GAREM1: variants seen among roughly 807,000 people sequenced by gnomAD.
GAREM1 encodes GRB2-associated and regulator of MAPK protein 1.
GAREM1 carries 26 observed loss-of-function variants against 71.3 expected under a neutral mutation model. The observed-to-expected ratio is 0.36, with a 90% confidence interval of 0.27 to 0.51. The LOEUF is 0.51. Among genes scored for constraint, GAREM1 ranks in the 20% least tolerant of loss-of-function variants. GAREM1 has a pLI of 0.95. For missense variants in GAREM1, 1,026 were observed against 1,103.1 expected (o/e 0.93, Z 0.99); for synonymous variants, 440 against 433.2 (o/e 1.02, Z -0.20).
rs1447577556 is a variant in GAREM1, at chr18:32,470,692, T to A, written c.-264A>T. On this transcript the variant is annotated 5_prime_UTR_variant, in exon 1 of 6. Coordinates refer to ENST00000269209, the MANE Select transcript of GAREM1 (RefSeq NM_001242409.2). This position sits in a 1 kb window ranked among gnomAD's most constrained non-coding sequence, Gnocchi z 4.4. ...AGAAGACTCAGAGCAGCCGCGCGGC[T>A]GCGGGCGGCGGCGGCGGCCCGGGTG... is the stretch of plus-strand genomic sequence containing the variant. Among the ~76,000 whole-genome samples, 1 of 149,062 alleles carries A rather than the reference T, an allele frequency of 6.7e-6. No homozygotes were observed. Among genetic ancestry groups the A allele is most frequent in the Non-Finnish European group, 1.5e-5 (1 of 67,062 alleles).
At chr18:32,424,528 T>C (rs1325716309) in intron 1 of GAREM1, among the ~76,000 whole-genome samples, 1 of 152,168 alleles carries the variant, frequency 6.6e-6, no homozygotes, top group African/African-American at 2.4e-5. Context: ...TTGGTTAACG[T>C]AAATCAATTT....
At chr18:32,302,970 C>G (rs893274703) in intron 3 of GAREM1, among the ~76,000 whole-genome samples, 1 of 152,206 alleles carries the variant, frequency 6.6e-6, no homozygotes, top group African/African-American at 2.4e-5. Flanking sequence ...AGGCTGATGA[C>G]AAGGCTGTCA....
chr18:32,466,017 G>A (rs35997165), intron 1 of GAREM1, among the ~76,000 whole-genome samples: 25,665 of 152,152 alleles, frequency 0.17, 2,321 homozygotes, highest in Admixed American at 0.24. Flanking sequence ...ATATTGATTC[G>A]TGTTGCAGGG....
chr18:32,428,431 C>A (rs2048594575), intron 1 of GAREM1, among the ~76,000 whole-genome samples: 1 of 151,992 alleles, frequency 6.6e-6, no homozygotes, highest in Non-Finnish European at 1.5e-5. Context: ...AATGGTTTGG[C>A]ATCACCCCCT....
intron 1 of GAREM1, among the ~76,000 whole-genome samples, chr18:32,411,807 T>G (rs879172574): frequency 2.0e-5 from 3 of 151,350 alleles, no homozygotes; most frequent in Admixed American, 6.6e-5. Flanking sequence ...CTGAAGGAAT[T>G]CTAACTTCAC....
chr18:32,422,681 CA>C (rs2048531085), intron 1 of GAREM1, among the ~76,000 whole-genome samples: 1 of 152,174 alleles, frequency 6.6e-6, no homozygotes, highest in African/African-American at 2.4e-5. Context: ...TTTATTACTA[CA>C]CTATCCAAAA....
chr18:32,351,435 A>C (rs2047749512), intron 2 of GAREM1, among the ~76,000 whole-genome samples: 1 of 152,162 alleles, frequency 6.6e-6, no homozygotes, highest in Non-Finnish European at 1.5e-5. Context: ...GATATAAACA[A>C]TATATTAATA....
rs758624057 is a variant in GAREM1 at position 32,470,295 on chromosome 18, A to G, written c.121+13T>C. On this transcript the variant is annotated intron_variant, in intron 1 of 5. Transcript: ENST00000269209. This position sits in a 1 kb window ranked among gnomAD's most constrained non-coding sequence, Gnocchi z 4.4. ...TCCTCGCCCGTCTGCCCCGCGCCCC[A>G]GCTGGGACTCACCGTTGTCCAGGCG... 1.3e-6 allele frequency: 2 copies of G among 1,520,256 alleles called. No individual in the cohort carries two copies. Among genetic ancestry groups the G allele is most frequent in the South Asian group, 1.2e-5 (1 of 81,024 alleles). 94.2% of individuals were successfully genotyped at this position (1,520,256 alleles called of 1,614,324 possible). A position where few individuals can be genotyped will look rare whatever the true frequency, so the allele number is the denominator to read the frequency against.
At chr18:32,291,851 A>T (rs1365700550) in intron 3 of GAREM1, among the ~76,000 whole-genome samples, 1 of 152,170 alleles carries the variant, frequency 6.6e-6, no homozygotes, top group Non-Finnish European at 1.5e-5. Context: ...ATAGTATTCC[A>T]TGGTATATAT....
rs2041334397 is a variant in GAREM1, at chr18:32,263,533, ATTTC to A, written c.*4334_*4337del. The A allele has an allele frequency of 6.6e-6, 1 of 152,202 alleles. No individual in the cohort carries two copies. Among genetic ancestry groups the A allele is most frequent in the African/African-American group, 2.4e-5 (1 of 41,452 alleles). 9.4% of individuals were successfully genotyped at this position (152,202 alleles called of 1,614,324 possible). Reference sequence around the variant, plus strand: ...AACTGCAAGAAAAGCAACTTTGAAAATTTCTTTATTACAGACATTTCAGAACCAT... The same window carrying A: ...AACTGCAAGAAAAGCAACTTTGAAAATTTATTACAGACATTTCAGAACCAT... On this transcript the variant is annotated 3_prime_UTR_variant, in exon 6 of 6. Transcript: ENST00000269209.
Position 32,268,012 on chromosome 18 carries a change from T to C in GAREM1, c.2490A>G (p.Ile830Met). The change falls in exon 6 of 6, where the codon ATA becomes ATG. Residue 830 changes from isoleucine to methionine, a missense_variant. Around this residue, in one of 3 missense-constraint regions of GAREM1, gnomAD observed 636 missense variants for 631.2 expected, o/e 1.01. Transcript: ENST00000269209. ...LRFIGLSEDV[I>M]SFFVTEKIDG... ...CAATCTTTTCAGTAACAAAGAATGATATGACATCTTCGGACAAACCAATGA... is the reference window on the plus strand; with the variant it reads ...CAATCTTTTCAGTAACAAAGAATGACATGACATCTTCGGACAAACCAATGA... 1 of 1,614,164 alleles carries C rather than the reference T, an allele frequency of 6.2e-7. No homozygotes were observed. Among genetic ancestry groups the C allele is most frequent in the Non-Finnish European group, 8.5e-7 (1 of 1,180,012 alleles).
Position 32,268,563 on chromosome 18 carries a change from T to C in GAREM1, c.1939A>G (p.Ser647Gly). ...TGTCTAGGGTAACTATAACTCCTGC[T>C]TGGATCCAGCAGGAAGTCACTCCTG... ...QTRSDFLLDP[S>G]RSYSYPRQKT... Residue 647 changes from serine (S) to glycine (G), a missense_variant, in exon 6 of 6, where the codon AGC becomes GGC. Ser to Gly is a moderately conservative substitution (Grantham distance 56). This residue lies in a region of GAREM1 where 636 missense variants were observed against 631.2 expected (regional missense o/e 1.01). Transcript: ENST00000269209. The C allele has an allele frequency of 1.2e-6, 2 of 1,614,168 alleles. No individual in the cohort carries two copies. Among genetic ancestry groups the C allele is most frequent in the Non-Finnish European group, 1.7e-6 (2 of 1,180,032 alleles).
At chr18:32,459,539 A>G (rs909416040) in intron 1 of GAREM1, among the ~76,000 whole-genome samples, 13 of 152,202 alleles carry the variant, frequency 8.5e-5, no homozygotes, top group African/African-American at 2.9e-4. Flanking sequence ...TTTTTAAATA[A>G]GTAATCTGAA....
chr18:32,278,910 A>C (rs1453810941), intron 4 of GAREM1, among the ~76,000 whole-genome samples: 1 of 152,172 alleles, frequency 6.6e-6, no homozygotes, highest in Non-Finnish European at 1.5e-5. Context: ...ATAAGGACCT[A>C]AGACAGACCT....
At chr18:32,464,526 A>T (rs1465334186) in intron 1 of GAREM1, among the ~76,000 whole-genome samples, 1 of 152,194 alleles carries the variant, frequency 6.6e-6, no homozygotes, top group African/African-American at 2.4e-5. Flanking sequence ...AAACTCCTCC[A>T]GTCCCTCCGA....
chr18:32,331,584 A>G (rs2047535714), intron 2 of GAREM1: 1 of 152,208 alleles, frequency 6.6e-6, no homozygotes, highest in South Asian at 2.1e-4. Flanking sequence ...GTATACCTCA[A>G]AATCACCCAG....
chr18:32,378,057 T>TGCGC (rs1555640407), intron 2 of GAREM1, among the ~76,000 whole-genome samples: 1 of 127,624 alleles, frequency 7.8e-6, no homozygotes, highest in South Asian at 2.5e-4. Context: ...TGTGTGTGTG[T>TGCGC]GCGCGCGGGC....
At chr18:32,306,421 T>C (rs764396452) in intron 3 of GAREM1, among the ~76,000 whole-genome samples, 3 of 152,088 alleles carry the variant, frequency 2.0e-5, no homozygotes, top group Non-Finnish European at 4.4e-5. Context: ...CAATCCTTTG[T>C]TATGGGAGCC....
At chr18:32,384,589 G>C (rs1342060031) in intron 2 of GAREM1, among the ~76,000 whole-genome samples, 1 of 151,960 alleles carries the variant, frequency 6.6e-6, no homozygotes, top group Non-Finnish European at 1.5e-5. Context: ...ACTTTTGCTC[G>C]AGCATTTTAT....
Sources: gnomAD v4.1 joint callset for allele counts (sites outside exome capture counted in the v4.1 genomes callset) on GRCh38, gnomAD v4.1.1 for gene constraint, gnomAD v4.1.1 regional missense constraint, Gnocchi (gnomAD v3.1) non-coding constraint, MANE v1.5 for transcripts, NCBI Gene and HGNC (gene_info 2026-07-23, HGNC 2026-07-21) for gene names.